The following ZDHHC2 variants were observed in gnomAD, a reference collection of about 807,000 sequenced individuals.
The protein encoded by ZDHHC2 is zDHHC palmitoyltransferase 2.
ZDHHC2 carries 51 observed loss-of-function variants against 55.6 expected under a neutral mutation model. The observed-to-expected ratio is 0.92, with a 90% CI of 0.73 to 1.16. ZDHHC2 has a LOEUF of 1.16. Among genes scored for constraint, ZDHHC2 ranks in the 50% most tolerant of loss-of-function variants. The probability of loss-of-function intolerance (pLI) is 0.00; values close to 1 mark genes in which losing one functional copy is unlikely to be tolerated. For missense variants in ZDHHC2, 491 were observed against 442.4 expected (o/e 1.11, Z -0.99); for synonymous variants, 199 against 152.9 (o/e 1.30, Z -2.22).
chr8:17,184,898 T>C (rs1291795381), intron 2 of ZDHHC2, 83 bp downstream of exon 2: 2 of 1,267,650 alleles, frequency 1.6e-6, no homozygotes, highest in Admixed American at 5.1e-5. Context: ...TTGGGATTAA[T>C]AAATTGTTGT....
At chr8:17,161,091 C>G (rs2150874921) in intron 1 of ZDHHC2, among the ~76,000 whole-genome samples, 2 of 152,238 alleles carry the variant, frequency 1.3e-5, no homozygotes, top group Middle Eastern at 3.4e-3. Flanking sequence ...TTTAAACAAA[C>G]AAGAAAACAA....
In ZDHHC2 at chr8:17,167,291, C is replaced by CT. The variant is rs869296432; in HGVS notation, c.130+10448dup. ...GATGTTTATAAACAAGCTGGTAATACTTTTTTTTTTAACTTTTTTTTTTTT... is the reference window on the plus strand; with the variant it reads ...GATGTTTATAAACAAGCTGGTAATACTTTTTTTTTTTAACTTTTTTTTTTTT... On this transcript the variant is annotated intron_variant, in intron 1 of 12. Coordinates refer to ENST00000262096, the MANE Select transcript of ZDHHC2 (RefSeq NM_016353.5). Among the ~76,000 whole-genome samples the CT allele has an allele frequency of 4.9e-3, 679 of 137,566 alleles. 6 individuals carry two copies. The highest frequency in any genetic ancestry group is 6.1e-3 in the Non-Finnish European group (388 of 64,052). 90.2% of individuals were successfully genotyped at this position (137,566 alleles called of 152,430 possible).
At chr8:17,194,545 C>G (rs1200835813) in intron 3 of ZDHHC2, among the ~76,000 whole-genome samples, 1 of 151,676 alleles carries the variant, frequency 6.6e-6, no homozygotes, top group Non-Finnish European at 1.5e-5. Flanking sequence ...ATTCTTTCTT[C>G]TTTATAATTT....
chr8:17,188,977 C>A (rs1805875072), intron 3 of ZDHHC2, among the ~76,000 whole-genome samples: 1 of 152,132 alleles, frequency 6.6e-6, no homozygotes, highest in South Asian at 2.1e-4. Flanking sequence ...TACCCTCACC[C>A]TCAGAGTATG....
chr8:17,205,798 C>CT, intron 7 of ZDHHC2, 23 bp downstream of exon 7: 1 of 1,580,016 alleles, frequency 6.3e-7, no homozygotes, highest in African/African-American at 1.4e-5. Context: ...CTTGGTAACT[C>CT]TTTTTTTGGT....
At chr8:17,198,548 C>A in intron 6 of ZDHHC2, 135 bp downstream of exon 6, 1 of 784,926 alleles carries the variant, frequency 1.3e-6, no homozygotes, top group South Asian at 3.2e-5. Flanking sequence ...GATTTAGTTT[C>A]TAATATTTGT....
chr8:17,181,881 C>G (rs1054432680), intron 1 of ZDHHC2, among the ~76,000 whole-genome samples: 29 of 152,070 alleles, frequency 1.9e-4, no homozygotes, highest in African/African-American at 7.0e-4. Flanking sequence ...TTTGAGCAAT[C>G]TTTTCTTGAA....
At chr8:17,160,488 T>G (rs1017456005) in intron 1 of ZDHHC2, among the ~76,000 whole-genome samples, 3 of 152,156 alleles carry the variant, frequency 2.0e-5, no homozygotes, top group Admixed American at 6.5e-5. Context: ...TAAACTAAAT[T>G]CCAGAGTTGC....
intron 1 of ZDHHC2, among the ~76,000 whole-genome samples, chr8:17,166,431 A>T (rs1419085641): frequency 6.6e-6 from 1 of 152,178 alleles, no homozygotes; most frequent in Admixed American, 6.5e-5. Flanking sequence ...GTTGCATTAG[A>T]TCTGGAATGG....
intron 1 of ZDHHC2, among the ~76,000 whole-genome samples, chr8:17,168,646 C>G (rs1804716576): frequency 6.6e-6 from 1 of 152,136 alleles, no homozygotes; most frequent in South Asian, 2.1e-4. Context: ...AACACTAACC[C>G]TCATTCTTCC....
chr8:17,186,450 A>T (rs1805715251), intron 3 of ZDHHC2, 25 bp downstream of exon 3: 8 of 1,338,218 alleles, frequency 6.0e-6, no homozygotes, highest in African/African-American at 3.1e-5. Flanking sequence ...TAACGAAATT[A>T]TTCTAATAAT....
In ZDHHC2 at chr8:17,156,667, C is replaced by A. The variant is rs1439636400; in HGVS notation, c.-57C>A. ...AGGGGTGCCGGGCCCGCCCAGCCCGCCCCGGAGCCAGGCCCGCGGGCGGCG... is the reference window on the plus strand; with the variant it reads ...AGGGGTGCCGGGCCCGCCCAGCCCGACCCGGAGCCAGGCCCGCGGGCGGCG... On this transcript the variant is annotated 5_prime_UTR_variant, in exon 1 of 13. Coordinates refer to ENST00000262096, the MANE Select transcript of ZDHHC2 (RefSeq NM_016353.5). 3.3e-6 allele frequency: 4 copies of A among 1,204,906 alleles called. No homozygotes were observed. The highest frequency in any genetic ancestry group is 3.1e-6 in the Non-Finnish European group (3 of 972,258). The allele number at this position is 1,204,906 out of a possible 1,614,324, so 74.6% of individuals were successfully genotyped here.
chr8:17,179,716 T>C (rs1434374281), intron 1 of ZDHHC2, among the ~76,000 whole-genome samples: 1 of 152,234 alleles, frequency 6.6e-6, no homozygotes, highest in Non-Finnish European at 1.5e-5. Context: ...CAAAATGTGA[T>C]TCCTGAAGGC....
At chr8:17,197,714 C>T in intron 5 of ZDHHC2, 63 bp downstream of exon 5, 1 of 1,471,664 alleles carries the variant, frequency 6.8e-7, no homozygotes, top group Non-Finnish European at 9.4e-7. Context: ...CATTATGTTT[C>T]TTTTCTCACT....
intron 10 of ZDHHC2, among the ~76,000 whole-genome samples, chr8:17,212,234 C>T (rs1191572734): frequency 6.6e-6 from 1 of 152,136 alleles, no homozygotes; most frequent in African/African-American, 2.4e-5. Context: ...AAGTTCTGTT[C>T]TCTTCTTTAC....
intron 1 of ZDHHC2, among the ~76,000 whole-genome samples, chr8:17,163,781 G>T (rs1020638152): frequency 2.0e-5 from 3 of 152,220 alleles, no homozygotes; most frequent in Non-Finnish European, 4.4e-5. Context: ...TGTCTGTTGG[G>T]AAAACAATAT....
intron 1 of ZDHHC2, among the ~76,000 whole-genome samples, chr8:17,183,071 A>G (rs1805518865): frequency 6.6e-6 from 1 of 152,106 alleles, no homozygotes; most frequent in Admixed American, 6.5e-5. Flanking sequence ...CCCTAACTAT[A>G]CCTTTTTCAA....
chr8:17,168,113 C>G (rs551609630), intron 1 of ZDHHC2, among the ~76,000 whole-genome samples: 1 of 152,196 alleles, frequency 6.6e-6, no homozygotes, highest in African/African-American at 2.4e-5. Flanking sequence ...TCAAGCTACT[C>G]TCCAAGACCC....
intron 3 of ZDHHC2, among the ~76,000 whole-genome samples, chr8:17,192,057 C>T (rs988576059): frequency 3.8e-4 from 58 of 152,158 alleles, no homozygotes; most frequent in African/African-American, 1.3e-3. Flanking sequence ...AATCACAGCT[C>T]ACTGCAGCTT....
Sources: gnomAD v4.1 joint callset for allele counts (sites outside exome capture counted in the v4.1 genomes callset) on GRCh38, gnomAD v4.1.1 for gene constraint, MANE v1.5 for transcripts, NCBI Gene and HGNC (gene_info 2026-07-23, HGNC 2026-07-21) for gene names.